The following FAF1 variants were observed in gnomAD, a reference collection of about 807,000 sequenced individuals.
The protein encoded by FAF1 is FAS-associated factor 1.
FAF1 carries 25 observed loss-of-function variants against 92.5 expected under a neutral mutation model. The ratio of observed to expected loss-of-function variants is 0.27; its 90% CI spans 0.20 to 0.38. The LOEUF is 0.38. FAF1 is among the 10% of genes least tolerant of loss of function. The probability of loss-of-function intolerance (pLI) is 1.00; values close to 1 mark genes in which losing one functional copy is unlikely to be tolerated. For missense variants in FAF1, 636 were observed against 793.3 expected (o/e 0.80, Z 2.38); for synonymous variants, 234 against 273.2 (o/e 0.86, Z 1.42).
intron 8 of FAF1, 33 bp from the exon 9 acceptor site, chr1:50,596,249 A>G (rs1483682490): frequency 2.1e-6 from 3 of 1,445,936 alleles, no homozygotes; most frequent in Non-Finnish European, 2.9e-6. Context: ...TTTGTAAACA[A>G]AATACGGCCA....
intron 2 of FAF1, among the ~76,000 whole-genome samples, chr1:50,853,446 T>G (rs1024689370): frequency 1.3e-5 from 2 of 152,142 alleles, no homozygotes; most frequent in African/African-American, 4.8e-5. Flanking sequence ...ATATGCGGAT[T>G]TGTTTCACTC....
At chr1:50,845,758 A>G (rs1015531433) in intron 2 of FAF1, among the ~76,000 whole-genome samples, 3 of 152,022 alleles carry the variant, frequency 2.0e-5, no homozygotes, top group African/African-American at 7.3e-5. Context: ...TCTTGGGAGA[A>G]ATTTCCTGGG....
intron 2 of FAF1, among the ~76,000 whole-genome samples, chr1:50,819,637 CTCACACACA>C (rs1488759912): frequency 9.7e-6 from 1 of 103,322 alleles, no homozygotes; most frequent in Non-Finnish European, 1.9e-5. Context: ...GACTGACTCA[CTCACACACA>C]CACACACACA....
At chr1:50,614,499 A>G (rs1360698069) in intron 8 of FAF1, among the ~76,000 whole-genome samples, 8 of 137,292 alleles carry the variant, frequency 5.8e-5, no homozygotes, top group Non-Finnish European at 7.7e-5. Flanking sequence ...CATTTTATAA[A>G]TTATTTTGAT....
chr1:50,685,132 G>A (rs1656599643), intron 7 of FAF1, among the ~76,000 whole-genome samples: 1 of 152,144 alleles, frequency 6.6e-6, no homozygotes, highest in Admixed American at 6.5e-5. Context: ...TAAGGCTGAG[G>A]GAGAAGAGCT....
At chr1:50,588,677 G>A (rs1651360428) in intron 9 of FAF1, among the ~76,000 whole-genome samples, 1 of 152,178 alleles carries the variant, frequency 6.6e-6, no homozygotes, top group Admixed American at 6.5e-5. Flanking sequence ...TGTGACATTG[G>A]CACCTGTGTG....
rs549426691 is a variant in FAF1 at position 50,885,944 on chromosome 1, TAAAC to T, written c.46-27951_46-27948del. On this transcript the variant is annotated intron_variant, in intron 1 of 18. Transcript: ENST00000396153. Reference sequence around the variant, plus strand: ...GGATAACAACTTGAAACTGTTTACATAAACAAAAAAAAGAAGCAAAAAGAAACAC... The same window carrying T: ...GGATAACAACTTGAAACTGTTTACATAAAAAAAAGAAGCAAAAAGAAACAC... Among the ~76,000 whole-genome samples the T allele has an allele frequency of 2.8e-3, 422 of 152,228 alleles. 4 individuals are homozygous for T. The highest frequency in any genetic ancestry group is 9.7e-3 in the African/African-American group (402 of 41,558).
chr1:50,663,301 C>G (rs1408946905), intron 7 of FAF1, among the ~76,000 whole-genome samples: 1 of 151,594 alleles, frequency 6.6e-6, no homozygotes, highest in Admixed American at 6.6e-5. Flanking sequence ...CACCACAGAC[C>G]TAGTGTATAG....
At chr1:50,483,511 A>AATCT (rs1211803154) in intron 17 of FAF1, among the ~76,000 whole-genome samples, 3 of 152,202 alleles carry the variant, frequency 2.0e-5, no homozygotes, top group African/African-American at 7.2e-5. Flanking sequence ...CTCTATAGAA[A>AATCT]ATCTTGTAGA....
At chr1:50,679,828 T>C (rs565886162) in intron 7 of FAF1, among the ~76,000 whole-genome samples, 2 of 152,326 alleles carry the variant, frequency 1.3e-5, no homozygotes, top group African/African-American at 2.4e-5. Flanking sequence ...CTTCTGTACA[T>C]GCATTTACTT....
At chr1:50,487,970 G>T (rs1352463354) in intron 17 of FAF1, among the ~76,000 whole-genome samples, 1 of 152,102 alleles carries the variant, frequency 6.6e-6, no homozygotes, top group Admixed American at 6.6e-5. Flanking sequence ...CCCAAACAGT[G>T]GTTTGTGATA....
intron 4 of FAF1, among the ~76,000 whole-genome samples, chr1:50,756,458 C>G (rs986302857): frequency 1.3e-5 from 2 of 150,730 alleles, no homozygotes; most frequent in African/African-American, 5.0e-5. Context: ...AACAAGTCTC[C>G]AGGAGGTTCC....
chr1:50,773,962 T>A (rs1332672426), intron 4 of FAF1, among the ~76,000 whole-genome samples: 1 of 152,104 alleles, frequency 6.6e-6, no homozygotes, highest in East Asian at 1.9e-4. Flanking sequence ...AAACATCAAT[T>A]TAAAAATCTG....
intron 17 of FAF1, among the ~76,000 whole-genome samples, chr1:50,481,084 A>G (rs1014171191): frequency 1.3e-5 from 2 of 152,204 alleles, no homozygotes; most frequent in Admixed American, 1.3e-4. Context: ...AAAATTTTGG[A>G]CAGCTGTACA....
chr1:50,833,182 A>C (rs1644170151), intron 2 of FAF1, among the ~76,000 whole-genome samples: 1 of 152,132 alleles, frequency 6.6e-6, no homozygotes, highest in African/African-American at 2.4e-5. Flanking sequence ...CCTCACTTCA[A>C]ATGCCAATTG....
At chr1:50,884,484 C>T (rs528260424) in intron 1 of FAF1, among the ~76,000 whole-genome samples, 54 of 149,912 alleles carry the variant, frequency 3.6e-4, no homozygotes, top group African/African-American at 1.1e-3. Flanking sequence ...GCTGAGATCA[C>T]GCACTCCAGT....
chr1:50,771,268 A>G (rs1316640239), intron 4 of FAF1, among the ~76,000 whole-genome samples: 2 of 152,210 alleles, frequency 1.3e-5, no homozygotes. Context: ...CAATTAAACT[A>G]AAGAGCTTCT....
intron 13 of FAF1, among the ~76,000 whole-genome samples, chr1:50,558,410 T>C (rs1001595998): frequency 6.6e-6 from 1 of 152,046 alleles, no homozygotes; most frequent in African/African-American, 2.4e-5. Context: ...GGTTACAGAA[T>C]GGGGAAGGAT....
At chr1:50,858,608 G>C (rs1456614266) in intron 1 of FAF1, among the ~76,000 whole-genome samples, 1 of 151,638 alleles carries the variant, frequency 6.6e-6, no homozygotes, top group Non-Finnish European at 1.5e-5. Context: ...TTTTTCCTCT[G>C]AATACATGTT....
Sources: allele counts gnomAD v4.1 joint callset (sites outside exome capture counted in the v4.1 genomes callset), GRCh38; gene constraint gnomAD v4.1.1; transcripts MANE v1.5; gene names NCBI Gene and HGNC (gene_info 2026-07-23, HGNC 2026-07-21).